The following ABCG1 variants were observed in gnomAD, a reference collection of about 807,000 sequenced individuals.
The protein encoded by ABCG1 is ATP-binding cassette sub-family G member 1.
In ABCG1, 29 loss-of-function variants were observed where a neutral mutation model predicts 69.2. The observed-to-expected ratio is 0.42, with a 90% confidence interval of 0.31 to 0.57. ABCG1 has a LOEUF of 0.57. ABCG1 is among the 20% of genes least tolerant of loss of function. The pLI, the probability that ABCG1 is intolerant of heterozygous loss-of-function variation, is 0.15. For synonymous variants in ABCG1, 370 were observed against 374.8 expected, an observed-to-expected ratio of 0.99 and a Z score of 0.15; for missense variants, 718 against 898.1, an observed-to-expected ratio of 0.80 and a Z score of 2.56.
chr21:42,262,707 C>T (rs2068434296), intron 2 of ABCG1, among the ~76,000 whole-genome samples: 2 of 152,228 alleles, frequency 1.3e-5, no homozygotes, highest in Non-Finnish European at 2.9e-5. Flanking sequence ...CAAGAGCCGC[C>T]TCCGGGTTTG....
At chr21:42,275,186 G>A (rs1244961212) in intron 4 of ABCG1, among the ~76,000 whole-genome samples, 3 of 152,188 alleles carry the variant, frequency 2.0e-5, no homozygotes, top group Admixed American at 6.5e-5. Context: ...AGCAGGTTAC[G>A]TTTGCAGACA....
At chr21:42,216,380 G>T (rs2067640551), upstream of ABCG1, among the ~76,000 whole-genome samples, 1 of 145,796 alleles carries the variant, frequency 6.9e-6, no homozygotes. Context: ...CCCCTTGCCT[G>T]GTTGATCCTC....
At chr21:42,257,558 G>A (rs764521573) in intron 2 of ABCG1, among the ~76,000 whole-genome samples, 1 of 152,152 alleles carries the variant, frequency 6.6e-6, no homozygotes, top group African/African-American at 2.4e-5. Flanking sequence ...TGTGTAGGGC[G>A]TGGCGGTGAC....
At chr21:42,271,028 G>A (rs375674037) in intron 2 of ABCG1, 42 bp from the exon 3 acceptor site, 31 of 1,328,294 alleles carry the variant, frequency 2.3e-5, no homozygotes, top group Non-Finnish European at 3.1e-5. Flanking sequence ...CTGCATTAGA[G>A]ATAAAATGAA....
At chr21:42,263,190 T>C (rs1449580997) in intron 2 of ABCG1, among the ~76,000 whole-genome samples, 1 of 152,224 alleles carries the variant, frequency 6.6e-6, no homozygotes, top group African/African-American at 2.4e-5. Flanking sequence ...GCAAGTGGTA[T>C]AGCCCAGCCA....
At chr21:42,259,078 AC>A (rs969442750) in intron 2 of ABCG1, among the ~76,000 whole-genome samples, 1 of 152,044 alleles carries the variant, frequency 6.6e-6, no homozygotes, top group African/African-American at 2.4e-5. Flanking sequence ...CTGTTCTCAT[AC>A]CCTGTTTTCC....
chr21:42,290,976 T>G (rs750445752), intron 11 of ABCG1, 116 bp from the exon 12 acceptor site: 3 of 709,500 alleles, frequency 4.2e-6, no homozygotes, highest in Non-Finnish European at 7.4e-6. Flanking sequence ...AATCTCTCAG[T>G]GCCCTAGGCC....
chr21:42,263,517 G>A (rs1478506076), intron 2 of ABCG1, among the ~76,000 whole-genome samples: 3 of 152,222 alleles, frequency 2.0e-5, no homozygotes, highest in Non-Finnish European at 4.4e-5. Context: ...ATGTGAAGCT[G>A]TGTATTTATG....
chr21:42,295,329 TCAATAAAAAAAAAAAAAAA>T, intron 14 of ABCG1: 1 of 65,758 alleles, frequency 1.5e-5, no homozygotes, highest in Non-Finnish European at 2.6e-5. Flanking sequence ...AGACTCCGTC[TCAATAAAAAAAAAAAAAAA>T]AAAAAAAAAA....
At position 42,228,191 on chromosome 21, in the gene ABCG1, G is replaced by A. The variant is rs1171961722; in HGVS notation, c.286+2277G>A. 2.6e-5 allele frequency among the ~76,000 whole-genome samples: 4 copies of A among 152,338 alleles called. No homozygotes were observed. In the East Asian group the frequency reaches 5.8e-4, roughly 22 times the overall value. ...CGCAGCCCGGGCGGGGTGGCCACCAGATAGAGACTTGCCCTACAGTAACCT... is the reference window on the plus strand; with the variant it reads ...CGCAGCCCGGGCGGGGTGGCCACCAAATAGAGACTTGCCCTACAGTAACCT... On this transcript the variant is annotated intron_variant, in intron 2 of 14. Transcript: ENST00000398449.
chr21:42,211,327 T>C (rs554624778), upstream of ABCG1, among the ~76,000 whole-genome samples: 2 of 152,128 alleles, frequency 1.3e-5, no homozygotes, highest in Non-Finnish European at 2.9e-5. Context: ...ACCAGCCTTA[T>C]GCTGCTGCCC....
intron 2 of ABCG1, among the ~76,000 whole-genome samples, chr21:42,248,042 T>C (rs1250165088): frequency 6.6e-6 from 1 of 152,142 alleles, no homozygotes; most frequent in Non-Finnish European, 1.5e-5. Flanking sequence ...AGGTCACTAA[T>C]ATTATACAAA....
At chr21:42,215,308 G>T (rs692369), upstream of ABCG1, among the ~76,000 whole-genome samples, 4 of 152,192 alleles carry the variant, frequency 2.6e-5, no homozygotes, top group African/African-American at 9.7e-5. Flanking sequence ...GGATCCTCAC[G>T]CCAGAGGCCA....
At chr21:42,243,246 C>T (rs553951128) in intron 2 of ABCG1, among the ~76,000 whole-genome samples, 1 of 152,136 alleles carries the variant, frequency 6.6e-6, no homozygotes, top group Non-Finnish European at 1.5e-5. Flanking sequence ...GGGAGCCCGT[C>T]GGCCCCTCCC....
intron 13 of ABCG1, among the ~76,000 whole-genome samples, chr21:42,294,029 T>G (rs1020752940): frequency 3.3e-5 from 5 of 151,500 alleles, no homozygotes; most frequent in Admixed American, 2.6e-4. Flanking sequence ...ACAGTGCCCC[T>G]GTTGGACCTG....
intron 2 of ABCG1, among the ~76,000 whole-genome samples, chr21:42,203,245 C>T (rs1460873869): frequency 6.6e-6 from 1 of 152,158 alleles, no homozygotes; most frequent in East Asian, 1.9e-4. Flanking sequence ...GATATTTTCT[C>T]CTGGTCTGTT....
intron 10 of ABCG1, among the ~76,000 whole-genome samples, chr21:42,289,101 T>C (rs59268734): frequency 0.041 from 6,239 of 152,280 alleles, 405 homozygotes; most frequent in African/African-American, 0.14. Context: ...ACCATATCAC[T>C]AAACTTTCAA....
chr21:42,273,396 C>T lies in ABCG1; in HGVS notation c.498C>T (p.Asp166=). 2 of 1,613,962 alleles carry T rather than the reference C, an allele frequency of 1.2e-6. No homozygotes were observed. The highest frequency in any genetic ancestry group is 1.7e-6 in the Non-Finnish European group (2 of 1,179,994). The change falls in exon 4 of 15, where the codon GAC becomes GAT. Residue 166 remains aspartate, a synonymous_variant. Coordinates refer to ENST00000398449, the MANE Select transcript of ABCG1 (RefSeq NM_016818.3). The surrounding 1 kb of genome is among the most constrained non-coding windows in gnomAD (Gnocchi z 5.3). ...TGTCCTGCTACATCATGCAGGATGA[C>T]ATGCTGCTGCCGCATCTCACTGTGC... ...RKVSCYIMQD[D]MLLPHLTVQE...
chr21:42,211,692 C>T (rs896085579), upstream of ABCG1, among the ~76,000 whole-genome samples: 1 of 150,218 alleles, frequency 6.7e-6, no homozygotes, highest in African/African-American at 2.5e-5. Flanking sequence ...CCAGCCTGGC[C>T]AACATGGCGA....
Sources: allele counts gnomAD v4.1 joint callset (sites outside exome capture counted in the v4.1 genomes callset), GRCh38; gene constraint gnomAD v4.1.1; non-coding constraint Gnocchi (gnomAD v3.1); transcripts MANE v1.5; gene names NCBI Gene and HGNC (gene_info 2026-07-23, HGNC 2026-07-21).